The following KIF7 variants were observed in gnomAD, a reference collection of about 807,000 sequenced individuals.
KIF7 encodes kinesin-like protein KIF7.
KIF7 carries 104 observed loss-of-function variants against 135.7 expected under a neutral mutation model. That is an observed-to-expected ratio of 0.77 (90% CI 0.65 to 0.90). KIF7 has a LOEUF of 0.90. KIF7 is among the 40% of genes least tolerant of loss of function. KIF7 has a pLI of 0.00. For missense variants in KIF7, 2,005 were observed against 1,839.1 expected (o/e 1.09, Z -1.65); for synonymous variants, 883 against 809.4 (o/e 1.09, Z -1.54).
Position 89,630,316 on chromosome 15 carries a change from T to C in KIF7, c.3289A>G (p.Arg1097Gly). Residue 1097 changes from arginine to glycine, a missense_variant, in exon 16 of 19, where the codon AGA becomes GGA. Transcript: ENST00000394412. ...TCAAAATACTTGCAGAGGAGGGCTC[T>C]GGTCTCTGAGGATGAGAGGTAGCTG... ...KLSYLSSSETRALLCKYFDKV... is the reference protein window; with the variant it reads ...KLSYLSSSETGALLCKYFDKV... 1 of 1,614,190 alleles carries C rather than the reference T, an allele frequency of 6.2e-7. No individual in the cohort carries two copies. The highest frequency in any genetic ancestry group is 8.5e-7 in the Non-Finnish European group (1 of 1,180,040).
intron 6 of KIF7, 77 bp downstream of exon 6, chr15:89,647,519 T>C: frequency 1.5e-6 from 2 of 1,304,444 alleles, no homozygotes; most frequent in Non-Finnish European, 2.2e-6. Flanking sequence ...CTCCCTCCCA[T>C]CCTGAGAAAC....
intron 8 of KIF7, 26 bp from the exon 9 acceptor site, chr15:89,645,477 G>A: frequency 6.4e-7 from 1 of 1,566,262 alleles, no homozygotes; most frequent in South Asian, 1.1e-5. Flanking sequence ...AGGAGGCCAT[G>A]CTCCTCCCCA....
At chr15:89,631,431 G>T in intron 15 of KIF7, 64 bp downstream of exon 15, 1 of 1,409,146 alleles carries the variant, frequency 7.1e-7, no homozygotes, top group Non-Finnish European at 9.7e-7. Context: ...AGCAAGGGCT[G>T]AGGAGAGCAG....
intron 11 of KIF7, among the ~76,000 whole-genome samples, chr15:89,634,658 C>T (rs527362551): frequency 4.6e-5 from 7 of 152,368 alleles, no homozygotes; most frequent in African/African-American, 9.6e-5. Flanking sequence ...ATATCCCGCA[C>T]ATGGCTCAGA....
chr15:89,624,617 A>G (rs1377135263), downstream of KIF7: 1 of 1,613,848 alleles, frequency 6.2e-7, no homozygotes, highest in African/African-American at 1.3e-5. Context: ...TCTCCTCCTG[A>G]AAGACGGGGC....
At chr15:89,625,730 C>CA, downstream of KIF7, 5 of 1,613,118 alleles carry the variant, frequency 3.1e-6, no homozygotes, top group South Asian at 5.5e-5. Context: ...GAGGGGTCTC[C>CA]AAGTTGGAGT....
intron 11 of KIF7, 130 bp from the exon 12 acceptor site, chr15:89,634,013 CAG>C (rs1963746995): frequency 1.0e-6 from 1 of 969,888 alleles, no homozygotes; most frequent in Non-Finnish European, 1.6e-6. Flanking sequence ...ATAATAATAA[CAG>C]AGGCCGGGTG....
intron 7 of KIF7, among the ~76,000 whole-genome samples, chr15:89,646,520 T>C (rs1964015655): frequency 6.6e-6 from 1 of 152,038 alleles, no homozygotes; most frequent in Non-Finnish European, 1.5e-5. Flanking sequence ...GGTGATGAGC[T>C]CTCCGTATGC....
At chr15:89,619,869 C>T (rs1361478929) in intron 1 of KIF7, 1 of 1,581,032 alleles carries the variant, frequency 6.3e-7, no homozygotes, top group Admixed American at 1.9e-5. Context: ...TCTGCCTTCA[C>T]AAGTCCGTGC....
intron 11 of KIF7, among the ~76,000 whole-genome samples, chr15:89,638,556 A>T (rs1004332804): frequency 3.6e-4 from 51 of 143,590 alleles, no homozygotes; most frequent in African/African-American, 1.4e-3. Context: ...TGCTTCAAAG[A>T]GAATAAAATA....
chr15:89,620,182 G>T (rs1275651745), intron 1 of KIF7, among the ~76,000 whole-genome samples: 1 of 152,136 alleles, frequency 6.6e-6, no homozygotes, highest in Non-Finnish European at 1.5e-5. Flanking sequence ...TTCTATCCAT[G>T]GTTAGCTTGC....
rs750043633 is a variant in KIF7, at chr15:89,650,048, G to A, written c.329-107C>T. On this transcript the variant is annotated intron_variant, in intron 2 of 18. Transcript: ENST00000394412. ...GCCAGAGCTGGAGGATGGTGCTCTA[G>A]GATGGAGAAGGCAGTGGCCGAGGCC... 6.0e-6 allele frequency: 7 copies of A among 1,175,818 alleles called. No individual in the cohort carries two copies. In the African/African-American group the frequency reaches 7.6e-5, roughly 13 times the overall value. The allele number at this position is 1,175,818 out of a possible 1,614,324, so 72.8% of individuals were successfully genotyped here.
chr15:89,648,717 G>A lies in KIF7; in HGVS notation c.981C>T (p.Ser327=), dbSNP rs1964066680. ...NAKTVMIACV[S]PSSSDFDETL... ...TCTCGTCGAAGTCGGAGGAGGAAGG[G>A]CTGACGCAGGCGATCATCACCGTCT... The change falls in exon 5 of 19, where the codon AGC becomes AGT. Residue 327 remains serine (S), a synonymous_variant. Transcript: ENST00000394412. 1 of 1,536,320 alleles carries A rather than the reference G, an allele frequency of 6.5e-7. No homozygotes were observed. The highest frequency in any genetic ancestry group is 8.7e-7 in the Non-Finnish European group (1 of 1,146,528).
intron 6 of KIF7, 81 bp downstream of exon 6, chr15:89,647,515 C>T: frequency 1.6e-6 from 2 of 1,262,386 alleles, no homozygotes; most frequent in Non-Finnish European, 2.3e-6. Flanking sequence ...CTAACTCCCT[C>T]CCATCCTGAG....
chr15:89,628,159 A>G lies in KIF7; in HGVS notation c.*260T>C. On this transcript the variant is annotated 3_prime_UTR_variant, in exon 19 of 19. Coordinates refer to ENST00000394412, the MANE Select transcript of KIF7 (RefSeq NM_198525.3). ...TACGCCTGAAACCAGAATTGTCCTG[A>G]GATTCGAGCAAGACACAAGGCGGCA... is the stretch of plus-strand genomic sequence containing the variant. 2.3e-6 allele frequency: 1 copy of G among 441,582 alleles called. No homozygotes were observed. Among genetic ancestry groups the G allele is most frequent in the South Asian group, 5.3e-5 (1 of 18,926 alleles). The allele number at this position is 441,582 out of a possible 1,614,324, so 27.4% of individuals were successfully genotyped here. A position where few individuals can be genotyped will look rare whatever the true frequency, so the allele number is the denominator to read the frequency against.
chr15:89,648,555 C>G lies in KIF7; in HGVS notation c.1143G>C (p.Glu381Asp). The stretch of plus-strand genomic sequence containing the variant: ...GCCGGCCGCGGTGGATGATGCGGGT[C>G]TCGGAGCGGTGCCGTGGCGGACCCC... ...GARGPPRHRS[E>D]TRIIHRGRRA... is the part of the protein sequence containing the mutation. The change falls in exon 5 of 19, where the codon GAG becomes GAC. Residue 381 changes from glutamate to aspartate, a missense_variant. Glu to Asp is a conservative substitution (Grantham distance 45). Coordinates refer to ENST00000394412, the MANE Select transcript of KIF7 (RefSeq NM_198525.3). 1 of 1,418,490 alleles carries G rather than the reference C, an allele frequency of 7.0e-7. No homozygotes were observed. The highest frequency in any genetic ancestry group is 9.2e-7 in the Non-Finnish European group (1 of 1,085,632). The allele number at this position is 1,418,490 out of a possible 1,614,324, so 87.9% of individuals were successfully genotyped here. A position where few individuals can be genotyped will look rare whatever the true frequency, so the allele number is the denominator to read the frequency against.
At chr15:89,619,702 T>C (rs759777118) in intron 1 of KIF7, 25 of 1,602,226 alleles carry the variant, frequency 1.6e-5, no homozygotes, top group Admixed American at 3.5e-5. Context: ...GGTTCTGATT[T>C]TACAGAAATA....
chr15:89,633,891 C>T lies in KIF7; in HGVS notation c.2395-8G>A. ...CTTCTTCTCCTTCAGCACCTGGGAC[C>T]CACACAGTCTTCACTGGGCCATGCA... On this transcript the variant is annotated splice_polypyrimidine_tract_variant and splice_region_variant and intron_variant, in intron 11 of 18. Transcript: ENST00000394412. The T allele has an allele frequency of 6.2e-7, 1 of 1,613,644 alleles. No homozygotes were observed. Among genetic ancestry groups the T allele is most frequent in the Non-Finnish European group, 8.5e-7 (1 of 1,180,018 alleles).
At position 89,649,787 on chromosome 15, in the gene KIF7, A is replaced by G; in HGVS notation, c.483T>C (p.Thr161=). ...EEFRDLLEVG[T]ASRDIQLRED... ...CCCGGAGCTGGATGTCACGGCTGGC[A>G]GTGCCCACCTCGAGCAGGTCTCGGA... Residue 161 remains threonine (T), a synonymous_variant, in exon 3 of 19, where the codon ACT becomes ACC. Transcript: ENST00000394412. 1.3e-6 allele frequency: 2 copies of G among 1,551,800 alleles called. No individual in the cohort carries two copies. The highest frequency in any genetic ancestry group is 1.7e-6 in the Non-Finnish European group (2 of 1,147,012).
Sources: gnomAD v4.1 joint callset for allele counts (sites outside exome capture counted in the v4.1 genomes callset) on GRCh38, gnomAD v4.1.1 for gene constraint, MANE v1.5 for transcripts, NCBI Gene and HGNC (gene_info 2026-07-23, HGNC 2026-07-21) for gene names.